The following FTO variants were observed in gnomAD, a reference collection of about 807,000 sequenced individuals.
FTO encodes FTO alpha-ketoglutarate dependent dioxygenase, also known as alpha-ketoglutarate-dependent dioxygenase FTO.
Under a neutral mutation model 63.9 loss-of-function variants are expected in FTO, and 47 were observed. The ratio of observed to expected loss-of-function variants is 0.74; its 90% CI spans 0.58 to 0.94. The LOEUF (loss-of-function observed/expected upper bound fraction) is 0.94. Ranked by LOEUF, FTO falls within the 40% of genes least tolerant of loss-of-function variation. FTO has a pLI of 0.00. For missense variants in FTO, 562 were observed against 618.1 expected, an observed-to-expected ratio of 0.91 and a Z score of 0.96; for synonymous variants, 207 against 224.4, an observed-to-expected ratio of 0.92 and a Z score of 0.69.
chr16:53,934,480 A>G (rs955606391), intron 8 of FTO, among the ~76,000 whole-genome samples: 3 of 152,212 alleles, frequency 2.0e-5, no homozygotes, highest in Admixed American at 1.3e-4. Flanking sequence ...TAGTGCTCCT[A>G]TATCACTCTA....
In FTO at chr16:53,783,604, T is replaced by TATCAAAAAAAAAAA. The variant is rs397716766; in HGVS notation, c.46-26535_46-26534insTCAAAAAAAAAAAA. ...GCCTGGGTGACAGAGCAAGACTCCA[T>TATCAAAAAAAAAAA]AAAAAAAAAAAAAAAAAAAAAAAGT... On this transcript the variant is annotated intron_variant, in intron 1 of 8. Coordinates refer to ENST00000471389, the MANE Select transcript of FTO (RefSeq NM_001080432.3). Among the ~76,000 whole-genome samples, 6 of 68,126 alleles carry TATCAAAAAAAAAAA rather than the reference T, an allele frequency of 8.8e-5. 1 individual carries two copies. Among genetic ancestry groups the TATCAAAAAAAAAAA allele is most frequent in the Admixed American group, 2.1e-4 (1 of 4,872 alleles). The allele number at this position is 68,126 out of a possible 152,430, so 44.7% of individuals were successfully genotyped here.
intron 7 of FTO, among the ~76,000 whole-genome samples, chr16:53,910,163 T>A (rs1425647138): frequency 6.6e-6 from 1 of 152,140 alleles, no homozygotes; most frequent in Non-Finnish European, 1.5e-5. Flanking sequence ...TCTGTAACGT[T>A]AGTAGGGCAT....
chr16:53,838,885 A>G (rs1415810413), intron 3 of FTO, among the ~76,000 whole-genome samples: 3 of 152,106 alleles, frequency 2.0e-5, no homozygotes, highest in Admixed American at 2.0e-4. Context: ...GATGATGAAT[A>G]TGTACTGAAC....
chr16:54,056,085 G>C (rs1252034866), intron 8 of FTO, among the ~76,000 whole-genome samples: 2 of 152,162 alleles, frequency 1.3e-5, no homozygotes, highest in Admixed American at 6.5e-5. Flanking sequence ...ATAATTATTT[G>C]GGAAGAAGCC....
rs112966939 is a variant in FTO at position 53,759,710 on chromosome 16, A to G, written c.46-50430A>G. Among the ~76,000 whole-genome samples, 437 of 128,724 alleles carry G rather than the reference A, an allele frequency of 3.4e-3. 2 individuals carry two copies. Among genetic ancestry groups the G allele is most frequent in the African/African-American group, 0.013 (400 of 30,082 alleles). The allele number at this position is 128,724 out of a possible 152,430, so 84.4% of individuals were successfully genotyped here. On this transcript the variant is annotated intron_variant, in intron 1 of 8. Transcript: ENST00000471389. ...CTCCTTCTCAAAAAAAAAAAAAAAA[A>G]AAAAAAGAAAAAAGAAATAATACAG...
At chr16:54,071,335 G>A (rs2085863123) in intron 8 of FTO, 1 of 152,232 alleles carries the variant, frequency 6.6e-6, no homozygotes, top group Non-Finnish European at 1.5e-5. Flanking sequence ...GCTGTCAGGA[G>A]TGGGACCAAA....
chr16:53,857,721 G>A (rs969375265), intron 4 of FTO, among the ~76,000 whole-genome samples: 2 of 152,118 alleles, frequency 1.3e-5, no homozygotes, highest in Admixed American at 6.6e-5. Context: ...GAGAGGTGAC[G>A]TAGGTAATTT....
At chr16:53,895,600 A>G (rs1247916672) in intron 7 of FTO, among the ~76,000 whole-genome samples, 1 of 152,220 alleles carries the variant, frequency 6.6e-6, no homozygotes, top group Non-Finnish European at 1.5e-5. Context: ...GGTGTTGAAT[A>G]GAATTCTACT....
At chr16:54,074,935 TG>T (rs2085957128) in intron 8 of FTO, among the ~76,000 whole-genome samples, 1 of 148,694 alleles carries the variant, frequency 6.7e-6, no homozygotes, top group African/African-American at 2.5e-5. Flanking sequence ...TGTGTGTGTG[TG>T]TGTGTGTGTG....
At chr16:53,820,679 C>T (rs2078838711) in intron 2 of FTO, among the ~76,000 whole-genome samples, 1 of 149,960 alleles carries the variant, frequency 6.7e-6, no homozygotes, top group African/African-American at 2.5e-5. Flanking sequence ...CTTCCTGTGT[C>T]CATGTGATCT....
chr16:53,758,393 T>C (rs2076972102), intron 1 of FTO, among the ~76,000 whole-genome samples: 1 of 152,222 alleles, frequency 6.6e-6, no homozygotes, highest in Admixed American at 6.5e-5. Flanking sequence ...GGGCCTGCCT[T>C]TTGTGACCTC....
intron 8 of FTO, among the ~76,000 whole-genome samples, chr16:54,076,581 C>CAT (rs2085998302): frequency 6.6e-6 from 1 of 151,988 alleles, no homozygotes; most frequent in African/African-American, 2.4e-5. Flanking sequence ...TATGTATATG[C>CAT]ATATATATGT....
intron 1 of FTO, among the ~76,000 whole-genome samples, chr16:53,783,615 A>AAAAAAAAAAAAAAAAAAG (rs2077650079): frequency 6.7e-6 from 1 of 149,082 alleles, no homozygotes; most frequent in Non-Finnish European, 1.5e-5. Context: ...AAAAAAAAAA[A>AAAAAAAAAAAAAAAAAAG]AAAAAAAAAA....
chr16:53,751,284 C>A (rs1304926419), intron 1 of FTO, among the ~76,000 whole-genome samples: 2 of 152,056 alleles, frequency 1.3e-5, no homozygotes, highest in South Asian at 2.1e-4. Flanking sequence ...CGGTGAAACC[C>A]CGTCTCTACT....
At chr16:53,948,448 A>G (rs1175520181) in intron 8 of FTO, among the ~76,000 whole-genome samples, 1 of 152,242 alleles carries the variant, frequency 6.6e-6, no homozygotes, top group African/African-American at 2.4e-5. Context: ...TCAAGGCAAA[A>G]CACACGTGTG....
chr16:54,101,316 G>T (rs1158524063), intron 8 of FTO, among the ~76,000 whole-genome samples: 1 of 152,040 alleles, frequency 6.6e-6, no homozygotes, highest in Non-Finnish European at 1.5e-5. Context: ...AGTGTCTCTT[G>T]TTTCCTTCTT....
intron 8 of FTO, among the ~76,000 whole-genome samples, chr16:53,996,956 A>G (rs1246962664): frequency 6.6e-6 from 1 of 151,970 alleles, no homozygotes; most frequent in African/African-American, 2.4e-5. Context: ...TAAAAATACA[A>G]AAAAAATTTA....
At chr16:54,106,616 A>C (rs537802263) in intron 8 of FTO, among the ~76,000 whole-genome samples, 2 of 140,154 alleles carry the variant, frequency 1.4e-5, no homozygotes, top group African/African-American at 5.2e-5. Context: ...ATAATTATAT[A>C]ATAAATATAT....
At chr16:54,030,532 T>G (rs1254171132) in intron 8 of FTO, among the ~76,000 whole-genome samples, 4 of 152,192 alleles carry the variant, frequency 2.6e-5, no homozygotes, top group African/African-American at 9.6e-5. Flanking sequence ...AATTTTCAGT[T>G]GGATATCTAG....
Sources: gnomAD v4.1 joint callset for allele counts (sites outside exome capture counted in the v4.1 genomes callset) on GRCh38, gnomAD v4.1.1 for gene constraint, MANE v1.5 for transcripts, NCBI Gene and HGNC (gene_info 2026-07-23, HGNC 2026-07-21) for gene names.